The following DPF3 variants were observed in gnomAD, a reference collection of about 807,000 sequenced individuals.
The protein encoded by DPF3 is zinc finger protein DPF3.
A neutral mutation model predicts 56.8 loss-of-function variants in DPF3; 18 were observed. The ratio of observed to expected loss-of-function variants is 0.32; its 90% confidence interval spans 0.22 to 0.47. DPF3 has a LOEUF of 0.47. DPF3 is among the 20% of genes least tolerant of loss of function. The pLI is 1.00. For synonymous variants in DPF3, 188 were observed against 180.2 expected (o/e 1.04, Z -0.35); for missense variants, 403 against 488.8 (o/e 0.82, Z 1.65).
chr14:72,827,983 T>C (rs1883886945), intron 1 of DPF3, among the ~76,000 whole-genome samples: 1 of 152,144 alleles, frequency 6.6e-6, no homozygotes, highest in Non-Finnish European at 1.5e-5. Flanking sequence ...AATGGTGATA[T>C]AATAATTCAA....
At chr14:72,721,545 CA>C (rs1393359789) in intron 5 of DPF3, among the ~76,000 whole-genome samples, 1 of 152,068 alleles carries the variant, frequency 6.6e-6, no homozygotes, top group Non-Finnish European at 1.5e-5. Flanking sequence ...TCAATGGCTG[CA>C]AAAATCATTA....
intron 1 of DPF3, among the ~76,000 whole-genome samples, chr14:72,822,334 A>C (rs1382835319): frequency 6.6e-6 from 1 of 152,208 alleles, no homozygotes; most frequent in Non-Finnish European, 1.5e-5. Context: ...TGGTGAGCCA[A>C]GATTGCTCCA....
chr14:72,850,600 G>A (rs929272643), intron 1 of DPF3, among the ~76,000 whole-genome samples: 1 of 152,172 alleles, frequency 6.6e-6, no homozygotes, highest in Non-Finnish European at 1.5e-5. Context: ...CCTTGGGCAT[G>A]CCAGAGAGAC....
chr14:72,727,450 C>A (rs1053054931), intron 4 of DPF3, among the ~76,000 whole-genome samples: 2 of 152,040 alleles, frequency 1.3e-5, no homozygotes, highest in African/African-American at 4.8e-5. Context: ...GTGGTGGGCA[C>A]CTGTAATCCC....
intron 3 of DPF3, among the ~76,000 whole-genome samples, chr14:72,752,755 A>C (rs1371580991): frequency 1.6e-4 from 24 of 152,216 alleles, no homozygotes; most frequent in Admixed American, 1.6e-3. Flanking sequence ...GGTAAATTGT[A>C]ATCTCAAACT....
In DPF3 at chr14:72,753,831, C is replaced by T. The variant is rs1309081496; in HGVS notation, c.194-460G>A. ...GAGAAGCATCGCAAAGAGACAGAACCAAAAACACTAGATCTACTCAAAGGC... is the reference window on the plus strand; with the variant it reads ...GAGAAGCATCGCAAAGAGACAGAACTAAAAACACTAGATCTACTCAAAGGC... On this transcript the variant is annotated intron_variant, in intron 2 of 10. Transcript: ENST00000556509. Among the ~76,000 whole-genome samples the T allele has an allele frequency of 3.3e-5, 5 of 152,066 alleles. No individual in the cohort carries two copies. In the South Asian group the frequency reaches 6.2e-4, roughly 19 times the overall value.
chr14:72,634,282 A>T (rs955839276), intron 8 of DPF3, among the ~76,000 whole-genome samples: 17 of 152,204 alleles, frequency 1.1e-4, no homozygotes, highest in Admixed American at 9.8e-4. Flanking sequence ...TGTCTGGACC[A>T]CCATAACAGA....
chr14:72,674,430 C>T lies in DPF3; in HGVS notation c.743-62G>A. The stretch of plus-strand genomic sequence containing the variant: ...ACATGAGTTTCAACTGCCCCTTCTT[C>T]TCCTCCTACAGTGTGGTAGAATCTG... On this transcript the variant is annotated intron_variant, in intron 7 of 10. Transcript: ENST00000556509. 2.5e-6 allele frequency: 4 copies of T among 1,569,698 alleles called. No homozygotes were observed. In the South Asian group the frequency reaches 4.9e-5, roughly 19 times the overall value.
At chr14:72,757,955 G>A (rs75889865) in intron 2 of DPF3, among the ~76,000 whole-genome samples, 4,410 of 151,210 alleles carry the variant, frequency 0.029, 216 homozygotes, top group African/African-American at 0.1. Context: ...GGGGGTATAA[G>A]CCAAAAGCTA....
intron 6 of DPF3, among the ~76,000 whole-genome samples, chr14:72,701,898 G>A (rs1888179271): frequency 6.6e-6 from 1 of 152,142 alleles, no homozygotes; most frequent in Non-Finnish European, 1.5e-5. Context: ...TCTCTCTGCA[G>A]CTGGACTTCC....
intron 1 of DPF3, among the ~76,000 whole-genome samples, chr14:72,881,294 CTGTTGT>C (rs10545910): frequency 0.078 from 11,773 of 151,078 alleles, 986 homozygotes; most frequent in African/African-American, 0.21. Context: ...AAATTCAGAG[CTGTTGT>C]TGTTGTTGTT....
intron 8 of DPF3, among the ~76,000 whole-genome samples, chr14:72,654,258 G>A (rs926312312): frequency 1.3e-5 from 2 of 151,256 alleles, no homozygotes; most frequent in Non-Finnish European, 2.9e-5. Flanking sequence ...AGCCTCCTGG[G>A]CCCATTCACA....
chr14:72,813,472 C>T (rs1256416538), intron 1 of DPF3, among the ~76,000 whole-genome samples: 1 of 152,210 alleles, frequency 6.6e-6, no homozygotes, highest in African/African-American at 2.4e-5. Flanking sequence ...AGCCAGTCAG[C>T]CACTTCCCAG....
At chr14:72,725,268 A>C (rs1889353450) in intron 4 of DPF3, among the ~76,000 whole-genome samples, 1 of 152,164 alleles carries the variant, frequency 6.6e-6, no homozygotes, top group Non-Finnish European at 1.5e-5. Context: ...ATATAATTAC[A>C]ACTCTTCTCA....
chr14:72,661,854 C>CTTTTT lies in DPF3; in HGVS notation c.871+12381_871+12385dup, dbSNP rs60114618. 5.0e-5 allele frequency: 46 copies of CTTTTT among 925,800 alleles called. No individual in the cohort carries two copies. The African/African-American group carries it at 7.1e-4, about 14-fold the overall frequency. The allele number at this position is 925,800 out of a possible 1,614,324, so 57.3% of individuals were successfully genotyped here. ...ACCTCAGCTGATGCTTTTATTTTTG[C>CTTTTT]TTTTTTTTTTTTTTTTTTTTTGCTG... is the stretch of plus-strand genomic sequence containing the variant. On this transcript the variant is annotated intron_variant, in intron 8 of 10. Coordinates refer to ENST00000556509, the MANE Select transcript of DPF3 (RefSeq NM_001280542.3).
Position 72,737,568 on chromosome 14 carries a change from T to C in DPF3, c.302-5634A>G, listed in dbSNP as rs116551823. ...GGCTCAGGATGAAGGACTGGAAACCTGCAAGTCGTATATGGATTATAATAA... is the reference window on the plus strand; with the variant it reads ...GGCTCAGGATGAAGGACTGGAAACCCGCAAGTCGTATATGGATTATAATAA... On this transcript the variant is annotated intron_variant, in intron 3 of 10. Transcript: ENST00000556509. 2.1e-3 allele frequency among the ~76,000 whole-genome samples: 325 copies of C among 152,346 alleles called. 4 individuals carry two copies. The highest frequency in any genetic ancestry group is 7.6e-3 in the African/African-American group (317 of 41,568).
chr14:72,818,240 C>CAA (rs71109750), intron 1 of DPF3, among the ~76,000 whole-genome samples: 1 of 133,742 alleles, frequency 7.5e-6, no homozygotes. Flanking sequence ...GACTCTGCCT[C>CAA]AAAAAAAAAA....
At chr14:72,729,806 T>G in intron 4 of DPF3, among the ~76,000 whole-genome samples, 1 of 152,024 alleles carries the variant, frequency 6.6e-6, no homozygotes, top group East Asian at 1.9e-4. Flanking sequence ...TCAGAGGATT[T>G]TTAGGGCAGT....
At chr14:72,619,464 A>T in intron 10 of DPF3, 97 bp from the exon 11 acceptor site, 1 of 1,382,916 alleles carries the variant, frequency 7.2e-7, no homozygotes, top group Non-Finnish European at 9.8e-7. Flanking sequence ...TTTCCTTTGA[A>T]CTTTGGCAAT....
Sources: gnomAD v4.1 joint callset for allele counts (sites outside exome capture counted in the v4.1 genomes callset) on GRCh38, gnomAD v4.1.1 for gene constraint, MANE v1.5 for transcripts, NCBI Gene and HGNC (gene_info 2026-07-23, HGNC 2026-07-21) for gene names.